Variants in RAD50 observed in about 807,000 individuals in gnomAD.
RAD50 encodes DNA repair protein RAD50.
RAD50 carries 132 observed loss-of-function variants against 168.8 expected under a neutral mutation model. The observed-to-expected ratio is 0.78, with a 90% CI of 0.68 to 0.90. RAD50 has a LOEUF of 0.90. Among genes scored for constraint, RAD50 ranks in the 40% least tolerant of loss-of-function variants. The probability of loss-of-function intolerance (pLI) is 0.00; values close to 1 mark genes in which losing one functional copy is unlikely to be tolerated. For missense variants in RAD50, 1,347 were observed against 1,534.4 expected, an observed-to-expected ratio of 0.88 and a Z score of 2.04; for synonymous variants, 525 against 497.4, an observed-to-expected ratio of 1.06 and a Z score of -0.74.
At chr5:132,581,000 T>C (rs1750495295) in intron 5 of RAD50, among the ~76,000 whole-genome samples, 1 of 152,160 alleles carries the variant, frequency 6.6e-6, no homozygotes, top group African/African-American at 2.4e-5. Flanking sequence ...AGAAATATAT[T>C]GCAAGGGCTT....
In RAD50 at chr5:132,603,489, G is replaced by C. The variant is rs61749630; in HGVS notation, c.2397G>C (p.Gln799His). Residue 799 changes from glutamine to histidine, a missense_variant and splice_region_variant, in exon 14 of 25, where the codon CAG (glutamine) becomes CAC (histidine). Coordinates refer to ENST00000378823, the MANE Select transcript of RAD50 (RefSeq NM_005732.4). Reference protein sequence around the residue: ...LTDVTIMERFQMELKDVERKI... With the variant: ...LTDVTIMERFHMELKDVERKI... ...ATGTTACAATTATGGAGAGGTTCCAGGTAAGTTTATTGTAGTTTAAGGCAG... is the reference window on the plus strand; with the variant it reads ...ATGTTACAATTATGGAGAGGTTCCACGTAAGTTTATTGTAGTTTAAGGCAG... 4.2e-4 allele frequency: 670 copies of C among 1,613,346 alleles called. No homozygotes were observed. The highest frequency in any genetic ancestry group is 5.2e-4 in the Non-Finnish European group (615 of 1,179,552).
intron 19 of RAD50, among the ~76,000 whole-genome samples, chr5:132,610,029 A>G (rs576565635): frequency 6.6e-4 from 49 of 74,742 alleles, no homozygotes; most frequent in Middle Eastern, 6.0e-3. Context: ...GTGTGTGTGT[A>G]TATATATATA....
At chr5:132,642,055 G>T in intron 24 of RAD50, 123 bp from the exon 25 acceptor site, 1 of 1,052,810 alleles carries the variant, frequency 9.5e-7, no homozygotes, top group Non-Finnish European at 1.4e-6. Context: ...ACTTCCTGCA[G>T]GGTAGCTGGG....
Position 132,594,856 on chromosome 5 carries a change from G to C in RAD50, c.1794-13G>C. 6.3e-7 allele frequency: 1 copy of C among 1,589,718 alleles called. No homozygotes were observed. The highest frequency in any genetic ancestry group is 8.6e-7 in the Non-Finnish European group (1 of 1,158,858). ...TATTTTAAAATGAAAATCCATATTT[G>C]CTCTTATTTTAGCAAGGAACTAGCT... On this transcript the variant is annotated splice_polypyrimidine_tract_variant and intron_variant, in intron 11 of 24. Transcript: ENST00000378823.
Position 132,603,185 on chromosome 5 carries a change from A to T in RAD50, c.2208-115A>T. On this transcript the variant is annotated intron_variant, in intron 13 of 24. Coordinates refer to ENST00000378823, the MANE Select transcript of RAD50 (RefSeq NM_005732.4). ...TCATGATTCCATATCCACTGATATG[A>T]TACCCTGAAAAGAACACAATGTCAC... 3.2e-6 allele frequency: 3 copies of T among 923,192 alleles called. No individual in the cohort carries two copies. The South Asian group carries it at 4.8e-5, about 15-fold the overall frequency. 57.2% of individuals were successfully genotyped at this position (923,192 alleles called of 1,614,324 possible). A position where few individuals can be genotyped will look rare whatever the true frequency, so the allele number is the denominator to read the frequency against.
intron 5 of RAD50, among the ~76,000 whole-genome samples, chr5:132,584,954 T>TGGGGGGA (rs1750569172): frequency 1.6e-5 from 1 of 61,764 alleles, no homozygotes. Flanking sequence ...TGTTGTGGGG[T>TGGGGGGA]GGGGGGAGGG....
chr5:132,622,411 G>T (rs1445552360), intron 21 of RAD50, among the ~76,000 whole-genome samples: 2 of 152,106 alleles, frequency 1.3e-5, no homozygotes, highest in Admixed American at 1.3e-4. Context: ...CTCCTGCCTA[G>T]GTCTCCCAAA....
Position 132,642,658 on chromosome 5 carries a change from C to T in RAD50, c.*294C>T. 1.7e-5 allele frequency: 8 copies of T among 476,740 alleles called. No homozygotes were observed. The highest frequency in any genetic ancestry group is 3.0e-5 in the Non-Finnish European group (8 of 262,750). The allele number at this position is 476,740 out of a possible 1,614,324, so 29.5% of individuals were successfully genotyped here. On this transcript the variant is annotated 3_prime_UTR_variant, in exon 25 of 25. Coordinates refer to ENST00000378823, the MANE Select transcript of RAD50 (RefSeq NM_005732.4). Reference sequence around the variant, plus strand: ...CGACTCTGTGCCTCCCTCCCCAGTGCAAATGCATGCTTCTTCTCAAAGCAC... The same window carrying T: ...CGACTCTGTGCCTCCCTCCCCAGTGTAAATGCATGCTTCTTCTCAAAGCAC...
At position 132,557,363 on chromosome 5, in the gene RAD50, G is replaced by C. The variant is rs779005784; in HGVS notation, c.39G>C (p.Arg13=). ...AAAAGATGAGCATTCTGGGCGTGCGGAGTTTTGGAATAGAGGACAAAGATA... is the reference window on the plus strand; with the variant it reads ...AAAAGATGAGCATTCTGGGCGTGCGCAGTTTTGGAATAGAGGACAAAGATA... ...RIEKMSILGV[R]SFGIEDKDKQ... is the part of the protein sequence containing the mutation. Residue 13 remains arginine (R), a synonymous_variant, in exon 1 of 25, where the codon CGG becomes CGC. Transcript: ENST00000378823. 55 of 1,614,054 alleles carry C rather than the reference G, an allele frequency of 3.4e-5. 1 individual carries two copies. The highest frequency in any genetic ancestry group is 4.6e-5 in the Non-Finnish European group (54 of 1,179,982).
chr5:132,568,079 T>G (rs1685589619), intron 2 of RAD50, among the ~76,000 whole-genome samples: 1 of 150,806 alleles, frequency 6.6e-6, no homozygotes, highest in Non-Finnish European at 1.5e-5. Context: ...TTTTTTAAAT[T>G]TTTTTTTTTG....
intron 2 of RAD50, among the ~76,000 whole-genome samples, chr5:132,560,961 A>G (rs1276591628): frequency 6.6e-6 from 1 of 152,098 alleles, no homozygotes; most frequent in African/African-American, 2.4e-5. Context: ...TACTCCATTC[A>G]GGTTTTCTTT....
In RAD50 at chr5:132,609,500, G is replaced by A. The variant is rs777495268; in HGVS notation, c.3036+104G>A. On this transcript the variant is annotated intron_variant, in intron 19 of 24. Coordinates refer to ENST00000378823, the MANE Select transcript of RAD50 (RefSeq NM_005732.4). ...TGAATAGAAATGCAAAAAGGAAAGA[G>A]GCCAAGCGTGGTGGCTCACACCTGT... 50 of 1,520,202 alleles carry A rather than the reference G, an allele frequency of 3.3e-5. 1 individual carries two copies. The highest frequency in any genetic ancestry group is 4.3e-5 in the Non-Finnish European group (48 of 1,126,878). 94.2% of individuals were successfully genotyped at this position (1,520,202 alleles called of 1,614,324 possible).
chr5:132,590,256 G>T (rs1481297490), intron 9 of RAD50, among the ~76,000 whole-genome samples: 2 of 152,290 alleles, frequency 1.3e-5, no homozygotes, highest in Admixed American at 1.3e-4. Flanking sequence ...GATAACGTGA[G>T]GTCAGGAGTT....
chr5:132,636,070 TCA>T (rs1751575595), intron 21 of RAD50, among the ~76,000 whole-genome samples: 1 of 152,226 alleles, frequency 6.6e-6, no homozygotes, highest in Admixed American at 6.5e-5. Context: ...AGCATTATAT[TCA>T]GTTTCTTTTT....
In RAD50 at chr5:132,596,337, C is replaced by T. The variant is rs564309148; in HGVS notation, c.2207+527C>T. 7.2e-5 allele frequency among the ~76,000 whole-genome samples: 11 copies of T among 152,242 alleles called. No homozygotes were observed. The South Asian group carries it at 1.5e-3, about 20-fold the overall frequency. On this transcript the variant is annotated intron_variant, in intron 13 of 24. Transcript: ENST00000378823. ...AACTATGAGGTAGACACAGTCTTTA[C>T]GTTCTTTTGTATGTGTGTTTAATTC...
chr5:132,576,205 C>T (rs1022908306), intron 3 of RAD50, among the ~76,000 whole-genome samples: 1 of 152,046 alleles, frequency 6.6e-6, no homozygotes, highest in Non-Finnish European at 1.5e-5. Flanking sequence ...AGAATGATCC[C>T]ATGAAAGACT....
At chr5:132,626,129 C>T (rs1751368592) in intron 21 of RAD50, among the ~76,000 whole-genome samples, 1 of 152,128 alleles carries the variant, frequency 6.6e-6, no homozygotes, top group Non-Finnish European at 1.5e-5. Context: ...CTCAGCCTCC[C>T]ACAGTGCTGG....
Position 132,608,749 on chromosome 5 carries a change from C to T in RAD50, c.2829+24C>T, listed in dbSNP as rs373059447. The T allele has an allele frequency of 3.0e-5, 47 of 1,555,808 alleles. No individual in the cohort carries two copies. The African/African-American group carries it at 5.8e-4, about 19-fold the overall frequency. Reference sequence around the variant, plus strand: ...AAGTAAGATTTCATTTATATATTTACTTATCAAATATCTGTATTAAACTTA... The same window carrying T: ...AAGTAAGATTTCATTTATATATTTATTTATCAAATATCTGTATTAAACTTA... On this transcript the variant is annotated intron_variant, in intron 17 of 24. Coordinates refer to ENST00000378823, the MANE Select transcript of RAD50 (RefSeq NM_005732.4).
chr5:132,637,725 G>A (rs1400412621), intron 22 of RAD50, among the ~76,000 whole-genome samples: 2 of 152,042 alleles, frequency 1.3e-5, no homozygotes, highest in Non-Finnish European at 2.9e-5. Flanking sequence ...GTAGAGATGG[G>A]GTTTCACCAT....
Sources: gnomAD v4.1 joint callset for allele counts (sites outside exome capture counted in the v4.1 genomes callset) on GRCh38, gnomAD v4.1.1 for gene constraint, MANE v1.5 for transcripts, NCBI Gene and HGNC (gene_info 2026-07-23, HGNC 2026-07-21) for gene names.